Variants in NCKAP5 observed in about 807,000 individuals in gnomAD.
The protein encoded by NCKAP5 is nck-associated protein 5.
NCKAP5 carries 92 observed loss-of-function variants against 167.0 expected under a neutral mutation model. The ratio of observed to expected loss-of-function variants is 0.55; its 90% CI spans 0.47 to 0.66. The LOEUF (loss-of-function observed/expected upper bound fraction) is 0.66. Among genes scored for constraint, NCKAP5 ranks in the 30% least tolerant of loss-of-function variants. The pLI is 0.00. For synonymous variants in NCKAP5, 891 were observed against 877.4 expected, an observed-to-expected ratio of 1.02 and a Z score of -0.27; for missense variants, 2,378 against 2,315.0, an observed-to-expected ratio of 1.03 and a Z score of -0.56.
chr2:132,834,185 A>G (rs1687718752), intron 11 of NCKAP5, among the ~76,000 whole-genome samples: 1 of 151,740 alleles, frequency 6.6e-6, no homozygotes, highest in Non-Finnish European at 1.5e-5. Flanking sequence ...CTTTTTTTCC[A>G]ATTTTGTTGC....
rs2076631217 is a variant in NCKAP5 at position 132,965,453 on chromosome 2, G to A, written c.430-1584C>T. On this transcript the variant is annotated intron_variant, in intron 7 of 19. Transcript: ENST00000409261. ...TTCTCTTTTGTGGTTTGGGATGACT[G>A]TAAGTAAACACTAACTTAGGTTGAT... 2.0e-5 allele frequency among the ~76,000 whole-genome samples: 3 copies of A among 152,156 alleles called. No individual in the cohort carries two copies. The South Asian group carries it at 6.2e-4, about 32-fold the overall frequency.
chr2:133,102,137 GT>G (rs5834344), intron 6 of NCKAP5, among the ~76,000 whole-genome samples: 1 of 151,706 alleles, frequency 6.6e-6, no homozygotes, highest in African/African-American at 2.4e-5. Flanking sequence ...TTTTTTCTTT[GT>G]TTTTTTTGTT....
intron 18 of NCKAP5, among the ~76,000 whole-genome samples, chr2:132,727,988 G>T (rs1414523814): frequency 6.6e-6 from 1 of 152,190 alleles, no homozygotes. Flanking sequence ...AGCAACCAAG[G>T]CTCTTGATAC....
At chr2:133,626,452 A>C in the NCKAP5 span, among the ~76,000 whole-genome samples, 1 of 121,320 alleles carries the variant, frequency 8.2e-6, no homozygotes, top group Admixed American at 9.8e-5. Flanking sequence ...TTCAATAAAT[A>C]TGTTGCAAGG....
At chr2:133,267,870 T>C (rs1376954058) in intron 4 of NCKAP5, among the ~76,000 whole-genome samples, 1 of 152,184 alleles carries the variant, frequency 6.6e-6, no homozygotes, top group Non-Finnish European at 1.5e-5. Flanking sequence ...ACAAGGATTA[T>C]CTCAAAAAAA....
At position 133,341,372 on chromosome 2, in the gene NCKAP5, G is replaced by A. The variant is rs1015570487; in HGVS notation, c.70-38262C>T. Among the ~76,000 whole-genome samples, 4 of 151,968 alleles carry A rather than the reference G, an allele frequency of 2.6e-5. 1 individual carries two copies. The highest frequency in any genetic ancestry group is 9.7e-5 in the African/African-American group (4 of 41,442). ...ACTCCTTCAGGCAATGTTTCTAAGGGGGATAAGGTGGAGTGGGCTCTCTTG... is the reference window on the plus strand; with the variant it reads ...ACTCCTTCAGGCAATGTTTCTAAGGAGGATAAGGTGGAGTGGGCTCTCTTG... On this transcript the variant is annotated intron_variant, in intron 3 of 19. Coordinates refer to ENST00000409261, the MANE Select transcript of NCKAP5 (RefSeq NM_207363.3).
chr2:132,747,352 T>C (rs775227458), intron 16 of NCKAP5, among the ~76,000 whole-genome samples: 13 of 152,304 alleles, frequency 8.5e-5, no homozygotes, highest in Non-Finnish European at 1.3e-4. Context: ...ACAAGACTGA[T>C]GCTATTCCTT....
chr2:132,733,055 C>T (rs557047695), intron 16 of NCKAP5, among the ~76,000 whole-genome samples: 2 of 152,348 alleles, frequency 1.3e-5, no homozygotes, highest in East Asian at 3.9e-4. Context: ...GATGATTTCA[C>T]CATGTGTGTG....
chr2:133,414,611 T>G (rs1688989055), intron 3 of NCKAP5, among the ~76,000 whole-genome samples: 1 of 152,182 alleles, frequency 6.6e-6, no homozygotes, highest in Non-Finnish European at 1.5e-5. Context: ...ATGATACTTT[T>G]TACAACCTTT....
At chr2:133,386,917 C>T (rs1356594922) in intron 3 of NCKAP5, among the ~76,000 whole-genome samples, 1 of 152,106 alleles carries the variant, frequency 6.6e-6, no homozygotes, top group Non-Finnish European at 1.5e-5. Context: ...TCCTCCATCC[C>T]TTTATTTTGA....
At chr2:133,091,779 C>A (rs1381153268) in intron 6 of NCKAP5, among the ~76,000 whole-genome samples, 5 of 151,910 alleles carry the variant, frequency 3.3e-5, no homozygotes, top group African/African-American at 7.3e-5. Flanking sequence ...CCCAGCTACT[C>A]GGGAGGCTGA....
At chr2:133,628,160 A>G in the NCKAP5 span, among the ~76,000 whole-genome samples, 7 of 152,188 alleles carry the variant, frequency 4.6e-5, no homozygotes, top group South Asian at 2.1e-4. Flanking sequence ...AGGCAAGAGA[A>G]AGAAACAAAG....
chr2:133,235,137 A>C (rs181728747), intron 4 of NCKAP5, among the ~76,000 whole-genome samples: 4 of 151,924 alleles, frequency 2.6e-5, no homozygotes, highest in African/African-American at 7.2e-5. Flanking sequence ...CATTACTCAC[A>C]CAATTATAAA....
At chr2:133,143,508 T>C (rs1032803054) in intron 5 of NCKAP5, among the ~76,000 whole-genome samples, 11 of 152,188 alleles carry the variant, frequency 7.2e-5, no homozygotes, top group East Asian at 3.8e-4. Context: ...CTTCATAAGA[T>C]TGTGGCCACT....
At chr2:132,993,061 GC>G (rs957264540) in intron 7 of NCKAP5, among the ~76,000 whole-genome samples, 3 of 152,112 alleles carry the variant, frequency 2.0e-5, no homozygotes, top group African/African-American at 7.2e-5. Flanking sequence ...GGGTTGCAGA[GC>G]CCACAAATTC....
the NCKAP5 span, among the ~76,000 whole-genome samples, chr2:133,611,434 G>T: frequency 3.3e-5 from 5 of 152,126 alleles, no homozygotes; most frequent in African/African-American, 7.2e-5. Flanking sequence ...GCTTTCCTTT[G>T]TAATATCTAC....
intron 6 of NCKAP5, among the ~76,000 whole-genome samples, chr2:133,077,596 T>C (rs2080650785): frequency 6.6e-6 from 1 of 152,156 alleles, no homozygotes; most frequent in African/African-American, 2.4e-5. Context: ...GCCCCGATGA[T>C]GGGACAAGAC....
intron 5 of NCKAP5, among the ~76,000 whole-genome samples, chr2:133,155,849 G>A (rs2083557974): frequency 6.6e-6 from 1 of 152,124 alleles, no homozygotes; most frequent in Non-Finnish European, 1.5e-5. Flanking sequence ...GCAGATTTTG[G>A]ACTTACCAAG....
At chr2:133,538,964 G>A (rs1247790094) in intron 2 of NCKAP5, among the ~76,000 whole-genome samples, 1 of 116,592 alleles carries the variant, frequency 8.6e-6, no homozygotes, top group Non-Finnish European at 1.7e-5. Flanking sequence ...TTTTTGAGAC[G>A]GAGTCTCACT....
Sources: allele counts gnomAD v4.1 joint callset (sites outside exome capture counted in the v4.1 genomes callset), GRCh38; gene constraint gnomAD v4.1.1; transcripts MANE v1.5; gene names NCBI Gene and HGNC (gene_info 2026-07-23, HGNC 2026-07-21).